ADAMTSL3: variants seen among roughly 807,000 people sequenced by gnomAD.
ADAMTSL3 encodes the protein ADAMTS like 3, also known as ADAMTS-like protein 3.
ADAMTSL3 carries 128 observed loss-of-function variants against 201.7 expected under a neutral mutation model. That is an observed-to-expected ratio of 0.63 (90% CI 0.55 to 0.73). The LOEUF (loss-of-function observed/expected upper bound fraction) is 0.73, where lower values mean the gene tolerates loss of function less well. Among genes scored for constraint, ADAMTSL3 ranks in the 30% least tolerant of loss-of-function variants. The pLI is 0.00. For synonymous variants in ADAMTSL3, 738 were observed against 748.4 expected (o/e 0.99, Z 0.23); for missense variants, 1,990 against 2,119.6 (o/e 0.94, Z 1.20).
chr15:83,761,872 G>A (rs2062812908), intron 3 of ADAMTSL3, among the ~76,000 whole-genome samples: 1 of 152,150 alleles, frequency 6.6e-6, no homozygotes. Context: ...CAAGCTACTT[G>A]TCTAGTAGGT....
chr15:83,798,981 T>C (rs1344493094), intron 4 of ADAMTSL3, among the ~76,000 whole-genome samples: 1 of 152,176 alleles, frequency 6.6e-6, no homozygotes, highest in Non-Finnish European at 1.5e-5. Flanking sequence ...TAGGCAGCTG[T>C]AAACCTTAAT....
chr15:83,798,825 C>A (rs28543011), intron 4 of ADAMTSL3, among the ~76,000 whole-genome samples: 30,766 of 117,224 alleles, frequency 0.26, 4,516 homozygotes, highest in South Asian at 0.55. Context: ...AAAAAAAAAA[C>A]AAAAAAAAAG....
At chr15:83,783,022 C>T (rs955926183) in intron 4 of ADAMTSL3, among the ~76,000 whole-genome samples, 2 of 144,716 alleles carry the variant, frequency 1.4e-5, no homozygotes, top group East Asian at 2.0e-4. Flanking sequence ...TACATATATA[C>T]GTATATATTA....
At chr15:83,910,638 T>G (rs1349990048) in intron 15 of ADAMTSL3, among the ~76,000 whole-genome samples, 3 of 25,720 alleles carry the variant, frequency 1.2e-4, no homozygotes, top group Admixed American at 1.1e-3. Flanking sequence ...GGTGAACCTT[T>G]TTTTTTTTTT....
At chr15:83,991,926 A>G (rs1399146866) in intron 23 of ADAMTSL3, among the ~76,000 whole-genome samples, 1 of 152,148 alleles carries the variant, frequency 6.6e-6, no homozygotes, top group Admixed American at 6.5e-5. Flanking sequence ...ATACATGTAC[A>G]TTTTACAGGG....
At position 83,713,545 on chromosome 15, in the gene ADAMTSL3, C is replaced by G. The variant is rs192863797; in HGVS notation, c.189+9037C>G. 2.2e-3 allele frequency among the ~76,000 whole-genome samples: 330 copies of G among 151,736 alleles called. 2 individuals are homozygous for G. Among genetic ancestry groups the G allele is most frequent in the African/African-American group, 7.8e-3 (321 of 41,346 alleles). On this transcript the variant is annotated intron_variant, in intron 3 of 29. Transcript: ENST00000286744. Reference sequence around the variant, plus strand: ...TTTTTTCTCTTATTACAGCATAAAACAAATGCATGAATAATGCACATGCAA... The same window carrying G: ...TTTTTTCTCTTATTACAGCATAAAAGAAATGCATGAATAATGCACATGCAA...
chr15:83,745,273 A>G (rs1382201814), intron 3 of ADAMTSL3, among the ~76,000 whole-genome samples: 1 of 152,124 alleles, frequency 6.6e-6, no homozygotes, highest in Non-Finnish European at 1.5e-5. Context: ...TCTTCAATTC[A>G]TTCATGCAAC....
At chr15:83,902,938 A>C (rs750580376) in intron 15 of ADAMTSL3, among the ~76,000 whole-genome samples, 56 of 152,218 alleles carry the variant, frequency 3.7e-4, no homozygotes, top group Non-Finnish European at 5.9e-4. Flanking sequence ...TTCATAACCC[A>C]GTATCAACAA....
At chr15:83,886,343 G>A (rs2065391239) in intron 10 of ADAMTSL3, among the ~76,000 whole-genome samples, 1 of 152,200 alleles carries the variant, frequency 6.6e-6, no homozygotes. Context: ...TTTACCATGT[G>A]TCAAGCCAAG....
At chr15:83,770,463 C>T (rs1255564560) in intron 3 of ADAMTSL3, among the ~76,000 whole-genome samples, 1 of 152,156 alleles carries the variant, frequency 6.6e-6, no homozygotes, top group Non-Finnish European at 1.5e-5. Context: ...CATACGCGTT[C>T]TTTTACTGGT....
intron 4 of ADAMTSL3, among the ~76,000 whole-genome samples, chr15:83,780,418 A>AC (rs1376914752): frequency 6.6e-6 from 1 of 150,974 alleles, no homozygotes; most frequent in African/African-American, 2.4e-5. Flanking sequence ...TAAAAAAAAA[A>AC]AAAAACAAAC....
intron 10 of ADAMTSL3, among the ~76,000 whole-genome samples, chr15:83,886,864 A>G (rs530245803): frequency 2.3e-4 from 35 of 152,324 alleles, no homozygotes; most frequent in Non-Finnish European, 4.0e-4. Flanking sequence ...TTTGGGAAGC[A>G]CTGGGCAGCC....
intron 23 of ADAMTSL3, among the ~76,000 whole-genome samples, chr15:84,012,145 C>A (rs972763796): frequency 1.3e-5 from 2 of 151,988 alleles, no homozygotes; most frequent in African/African-American, 4.8e-5. Context: ...TCTATTGCTG[C>A]TGTAACAAAT....
intron 4 of ADAMTSL3, among the ~76,000 whole-genome samples, chr15:83,791,295 G>C (rs548494878): frequency 2.0e-5 from 3 of 152,104 alleles, no homozygotes; most frequent in Admixed American, 6.5e-5. Context: ...TGATCAAAAA[G>C]AACAAATCCG....
chr15:83,855,803 A>G (rs1402515789), intron 7 of ADAMTSL3, among the ~76,000 whole-genome samples: 1 of 152,180 alleles, frequency 6.6e-6, no homozygotes, highest in Non-Finnish European at 1.5e-5. Flanking sequence ...AGGATTTTTC[A>G]GAAGTCTTTA....
At position 83,983,335 on chromosome 15, in the gene ADAMTSL3, C is replaced by T. The variant is rs545351207; in HGVS notation, c.3707C>T (p.Pro1236Leu). The change falls in exon 21 of 30, where the codon CCC becomes CTC. Residue 1236 changes from proline (P) to leucine (L), a missense_variant. By Grantham distance (98) the Pro-to-Leu change is moderately conservative. Transcript: ENST00000286744. ...ACCAAGGATGGAACCTTGTTACAGC[C>T]CTCAGTAAAGTAAGTAAAATAAAAA... ...TWTKDGTLLQ[P>L]SVKIILDGTG... is the part of the protein sequence containing the mutation. 1.3e-6 allele frequency: 2 copies of T among 1,498,738 alleles called. No individual in the cohort carries two copies. The highest frequency in any genetic ancestry group is 1.8e-6 in the Non-Finnish European group (2 of 1,123,994). 92.8% of individuals were successfully genotyped at this position (1,498,738 alleles called of 1,614,324 possible). A position where few individuals can be genotyped will look rare whatever the true frequency, so the allele number is the denominator to read the frequency against.
Position 83,823,922 on chromosome 15 carries a change from CT to C in ADAMTSL3, c.600+3877del, listed in dbSNP as rs1567169489. Among the ~76,000 whole-genome samples, 9 of 116,460 alleles carry C rather than the reference CT, an allele frequency of 7.7e-5. 1 individual carries two copies. The highest frequency in any genetic ancestry group is 2.5e-4 in the African/African-American group (8 of 32,420). 76.4% of individuals were successfully genotyped at this position (116,460 alleles called of 152,430 possible). On this transcript the variant is annotated intron_variant, in intron 6 of 29. Coordinates refer to ENST00000286744, the MANE Select transcript of ADAMTSL3 (RefSeq NM_207517.3). ...TCTTCTTCTTCTTCTTCTTCTTCTT[CT>C]TCTTCTTCTTCTTCTTCTTCTTCTT...
chr15:83,994,379 A>G (rs2067638681), intron 23 of ADAMTSL3, among the ~76,000 whole-genome samples: 1 of 152,078 alleles, frequency 6.6e-6, no homozygotes, highest in African/African-American at 2.4e-5. Context: ...TATACAAAAG[A>G]CTCTTAAACA....
intron 2 of ADAMTSL3, among the ~76,000 whole-genome samples, chr15:83,683,466 CAT>C (rs1203342070): frequency 2.0e-4 from 30 of 152,218 alleles, no homozygotes; most frequent in African/African-American, 6.3e-4. Context: ...TATTTCTACA[CAT>C]GTCTTTTCTC....
Sources: allele counts gnomAD v4.1 joint callset (sites outside exome capture counted in the v4.1 genomes callset), GRCh38; gene constraint gnomAD v4.1.1; transcripts MANE v1.5; gene names NCBI Gene and HGNC (gene_info 2026-07-23, HGNC 2026-07-21).